The following TMEM181 variants were observed in gnomAD, a reference collection of about 807,000 sequenced individuals.
The protein encoded by TMEM181 is G protein-coupled receptor 178.
In TMEM181, 39 loss-of-function variants were observed where a neutral mutation model predicts 71.9. The ratio of observed to expected loss-of-function variants is 0.54; its 90% CI spans 0.42 to 0.71. The LOEUF (loss-of-function observed/expected upper bound fraction) is 0.71. Among genes scored for constraint, TMEM181 ranks in the 30% least tolerant of loss-of-function variants. The probability of loss-of-function intolerance (pLI) is 0.00; values close to 1 mark genes in which losing one functional copy is unlikely to be tolerated. For missense variants in TMEM181, 595 were observed against 583.0 expected (o/e 1.02, Z -0.21); for synonymous variants, 245 against 228.8 (o/e 1.07, Z -0.64).
chr6:158,631,008 G>C (rs139984830), intron 15 of TMEM181, among the ~76,000 whole-genome samples: 49 of 152,344 alleles, frequency 3.2e-4, no homozygotes, highest in Admixed American at 5.9e-4. Flanking sequence ...ACCTCTCCTG[G>C]GGCCTATGTT....
intron 3 of TMEM181, among the ~76,000 whole-genome samples, chr6:158,582,631 C>T (rs533603131): frequency 3.9e-5 from 6 of 152,012 alleles, no homozygotes; most frequent in Non-Finnish European, 7.4e-5. Flanking sequence ...CACCACTACA[C>T]TCCAGCCCTG....
chr6:158,573,871 A>G (rs1287918613), intron 2 of TMEM181, among the ~76,000 whole-genome samples: 1 of 151,596 alleles, frequency 6.6e-6, no homozygotes, highest in African/African-American at 2.4e-5. Context: ...CTGGTTGGGG[A>G]GACAGGCCAT....
In TMEM181 at chr6:158,634,067, A is replaced by G. The variant is rs1786806900; in HGVS notation, c.*2179A>G. Reference sequence around the variant, plus strand: ...ATAGTGTAATTATAAACTGATGACTATTATCTTCATACATTGAGTCTTCAT... The same window carrying G: ...ATAGTGTAATTATAAACTGATGACTGTTATCTTCATACATTGAGTCTTCAT... On this transcript the variant is annotated 3_prime_UTR_variant, in exon 17 of 17. Coordinates refer to ENST00000684151, the MANE Select transcript of TMEM181 (RefSeq NM_001376852.1). 1 of 152,236 alleles carries G rather than the reference A, an allele frequency of 6.6e-6. No homozygotes were observed. Among genetic ancestry groups the G allele is most frequent in the Admixed American group, 6.5e-5 (1 of 15,284 alleles). The allele number at this position is 152,236 out of a possible 1,614,324, so 9.4% of individuals were successfully genotyped here. A position where few individuals can be genotyped will look rare whatever the true frequency, so the allele number is the denominator to read the frequency against.
intron 1 of TMEM181, among the ~76,000 whole-genome samples, chr6:158,537,663 C>CTG (rs1781175822): frequency 6.6e-6 from 1 of 152,188 alleles, no homozygotes; most frequent in African/African-American, 2.4e-5. Flanking sequence ...GCTCCCTCAC[C>CTG]CCCCCACCTC....
chr6:158,575,212 C>T (rs1402108439), intron 2 of TMEM181, among the ~76,000 whole-genome samples: 1 of 152,198 alleles, frequency 6.6e-6, no homozygotes, highest in African/African-American at 2.4e-5. Flanking sequence ...AAGTACTCTG[C>T]TCCTGATTAT....
intron 1 of TMEM181, among the ~76,000 whole-genome samples, chr6:158,548,945 G>A (rs1781631118): frequency 2.0e-5 from 3 of 152,220 alleles, no homozygotes; most frequent in Admixed American, 1.3e-4. Flanking sequence ...CAGTACCCGG[G>A]GCTTGTGAGT....
intron 6 of TMEM181, among the ~76,000 whole-genome samples, chr6:158,602,088 T>A (rs967753463): frequency 6.6e-6 from 1 of 152,194 alleles, no homozygotes; most frequent in Non-Finnish European, 1.5e-5. Context: ...CCCTTCCTCC[T>A]GTCCTTTCCC....
At chr6:158,581,982 C>T (rs767971517) in intron 3 of TMEM181, among the ~76,000 whole-genome samples, 2 of 152,010 alleles carry the variant, frequency 1.3e-5, no homozygotes, top group Non-Finnish European at 2.9e-5. Flanking sequence ...GATTGTATGA[C>T]CCCAAATCCC....
chr6:158,588,622 G>A (rs1320119197), intron 5 of TMEM181, among the ~76,000 whole-genome samples: 1 of 152,050 alleles, frequency 6.6e-6, no homozygotes, highest in Admixed American at 6.6e-5. Flanking sequence ...GCTGATTTTT[G>A]GTACTTTTAG....
intron 6 of TMEM181, among the ~76,000 whole-genome samples, chr6:158,592,253 A>G (rs762671086): frequency 2.6e-5 from 4 of 152,206 alleles, no homozygotes; most frequent in Non-Finnish European, 5.9e-5. Flanking sequence ...CAAATTTAGA[A>G]ATTCACGTGG....
At chr6:158,607,214 C>CTGCAGGCA in intron 7 of TMEM181, 30 bp from the exon 8 acceptor site, 2 of 1,582,982 alleles carry the variant, frequency 1.3e-6, no homozygotes, top group Non-Finnish European at 1.7e-6. Flanking sequence ...TGAGCAAAGG[C>CTGCAGGCA]AGTAACTGGA....
chr6:158,618,967 C>T lies in TMEM181; in HGVS notation c.897-4583C>T, dbSNP rs141552004. Among the ~76,000 whole-genome samples the T allele has an allele frequency of 7.9e-4, 121 of 152,256 alleles. 1 individual carries two copies. In the East Asian group the frequency reaches 0.02, roughly 25 times the overall value. On this transcript the variant is annotated intron_variant, in intron 10 of 16. Transcript: ENST00000684151. Reference sequence around the variant, plus strand: ...CTTGGTGAATCTGACAATTATGTGTCTTGGGGTTGCTCTTCTCAAGGAGTA... The same window carrying T: ...CTTGGTGAATCTGACAATTATGTGTTTTGGGGTTGCTCTTCTCAAGGAGTA...
chr6:158,556,674 T>G (rs1781900781), upstream of TMEM181, among the ~76,000 whole-genome samples: 1 of 152,174 alleles, frequency 6.6e-6, no homozygotes, highest in Admixed American at 6.5e-5. Flanking sequence ...GGTTATGGTT[T>G]TTATAGTCTT....
At chr6:158,581,808 A>G (rs1340742972) in intron 3 of TMEM181, among the ~76,000 whole-genome samples, 2 of 151,874 alleles carry the variant, frequency 1.3e-5, no homozygotes, top group Non-Finnish European at 2.9e-5. Flanking sequence ...AGAGAAAAAC[A>G]GAGCTTCTTT....
chr6:158,572,750 T>G (rs1782934865), intron 1 of TMEM181, among the ~76,000 whole-genome samples: 2 of 151,932 alleles, frequency 1.3e-5, no homozygotes, highest in African/African-American at 4.8e-5. Context: ...GGAGGGCGAG[T>G]GAGTTTCCCT....
At chr6:158,562,998 C>G (rs1351284097) in intron 1 of TMEM181, among the ~76,000 whole-genome samples, 1 of 152,242 alleles carries the variant, frequency 6.6e-6, no homozygotes, top group African/African-American at 2.4e-5. Flanking sequence ...AGCCCACACT[C>G]CTGACTGCTG....
chr6:158,558,181 G>A (rs923260259), upstream of TMEM181, among the ~76,000 whole-genome samples: 2 of 152,212 alleles, frequency 1.3e-5, no homozygotes, highest in Non-Finnish European at 2.9e-5. Context: ...TCCTCTCGCT[G>A]GAGATGCCTC....
Position 158,605,332 on chromosome 6 carries a change from C to T in TMEM181, c.558C>T (p.Leu186=), listed in dbSNP as rs1461333109. The T allele has an allele frequency of 6.2e-7, 1 of 1,613,936 alleles. No individual in the cohort carries two copies. The highest frequency in any genetic ancestry group is 8.5e-7 in the Non-Finnish European group (1 of 1,179,978). ...EIWFRFFFVV[L]TFIVTCLFAH... ...GGTTCCGGTTTTTCTTTGTGGTGCT[C>T]ACCTTCATCGTCACTGTGAGTACCA... Residue 186 remains leucine (L), a synonymous_variant, in exon 7 of 17, where the codon CTC becomes CTT. Coordinates refer to ENST00000684151, the MANE Select transcript of TMEM181 (RefSeq NM_001376852.1).
At chr6:158,616,296 G>A (rs1785610046) in intron 10 of TMEM181, among the ~76,000 whole-genome samples, 1 of 151,964 alleles carries the variant, frequency 6.6e-6, no homozygotes, top group South Asian at 2.1e-4. Flanking sequence ...GTCTGTTATT[G>A]GTGTATAGGA....
Sources: allele counts gnomAD v4.1 joint callset (sites outside exome capture counted in the v4.1 genomes callset), GRCh38; gene constraint gnomAD v4.1.1; transcripts MANE v1.5; gene names NCBI Gene and HGNC (gene_info 2026-07-23, HGNC 2026-07-21).